Variants in PTPRD observed in about 807,000 individuals in gnomAD.
PTPRD encodes receptor-type tyrosine-protein phosphatase delta.
PTPRD carries 34 observed loss-of-function variants against 214.5 expected under a neutral mutation model. That is an observed-to-expected ratio of 0.16 (90% CI 0.12 to 0.21). The LOEUF is 0.21. Ranked by LOEUF, PTPRD falls within the 10% of genes least tolerant of loss-of-function variation. The probability of loss-of-function intolerance (pLI) is 1.00; values close to 1 mark genes in which losing one functional copy is unlikely to be tolerated. For synonymous variants in PTPRD, 1,128 were observed against 845.7 expected (o/e 1.33, Z -5.79); for missense variants, 2,545 against 2,398.7 (o/e 1.06, Z -1.27).
intron 2 of PTPRD, among the ~76,000 whole-genome samples, chr9:10,452,056 G>C (rs537290516): frequency 6.6e-6 from 1 of 152,054 alleles, no homozygotes; most frequent in African/African-American, 2.4e-5. Context: ...ATAATTTACA[G>C]TTTCATCAGT....
chr9:8,750,491 T>G (rs1161366706), intron 11 of PTPRD, among the ~76,000 whole-genome samples: 2 of 151,838 alleles, frequency 1.3e-5, no homozygotes, highest in Non-Finnish European at 2.9e-5. Context: ...TGGTAAGTGC[T>G]CGAAAGAAAA....
chr9:8,798,994 A>C (rs2154516410), intron 11 of PTPRD, among the ~76,000 whole-genome samples: 1 of 152,240 alleles, frequency 6.6e-6, no homozygotes, highest in Admixed American at 6.5e-5. Flanking sequence ...TATAAGGATT[A>C]ATACAAAGAT....
intron 7 of PTPRD, among the ~76,000 whole-genome samples, chr9:9,658,823 T>C (rs2096570550): frequency 6.6e-6 from 1 of 152,126 alleles, no homozygotes; most frequent in Non-Finnish European, 1.5e-5. Flanking sequence ...TATTTAATTG[T>C]CACAACAATT....
chr9:9,573,307 ACTT>A (rs1467551501), intron 8 of PTPRD, among the ~76,000 whole-genome samples: 3 of 151,320 alleles, frequency 2.0e-5, no homozygotes, highest in African/African-American at 7.3e-5. Context: ...AAGCAAAGAT[ACTT>A]CTTATGTTCT....
intron 2 of PTPRD, among the ~76,000 whole-genome samples, chr9:10,607,401 T>C (rs921272214): frequency 1.3e-5 from 2 of 151,884 alleles, no homozygotes; most frequent in African/African-American, 2.4e-5. Context: ...TTTTAAACTT[T>C]TGAGTACACC....
At chr9:8,904,312 A>T (rs574140613) in intron 11 of PTPRD, among the ~76,000 whole-genome samples, 2 of 152,300 alleles carry the variant, frequency 1.3e-5, no homozygotes, top group Non-Finnish European at 2.9e-5. Flanking sequence ...TGTAATATAT[A>T]TCCATATTCA....
chr9:9,934,887 A>T (rs199800077), intron 5 of PTPRD, among the ~76,000 whole-genome samples: 227 of 151,884 alleles, frequency 1.5e-3, no homozygotes, highest in African/African-American at 4.9e-3. Flanking sequence ...CATGATCAAG[A>T]GGGCTTCATC....
intron 8 of PTPRD, among the ~76,000 whole-genome samples, chr9:9,455,866 G>C (rs1335878958): frequency 1.3e-5 from 2 of 151,796 alleles, no homozygotes; most frequent in African/African-American, 2.4e-5. Context: ...AGCAGGGAAA[G>C]AGGGACCACA....
chr9:9,683,928 G>A (rs147805560), intron 7 of PTPRD, among the ~76,000 whole-genome samples: 1,951 of 151,682 alleles, frequency 0.013, 21 homozygotes, highest in Non-Finnish European at 0.018. Context: ...AGCAACCCAA[G>A]CTGGTAGAAG....
At chr9:9,998,129 A>AAT (rs1555449231) in intron 4 of PTPRD, among the ~76,000 whole-genome samples, 5 of 91,454 alleles carry the variant, frequency 5.5e-5, no homozygotes, top group South Asian at 6.7e-4. Flanking sequence ...AAAAAAAAAA[A>AAT]ATATATATAT....
At chr9:10,090,905 A>T (rs2098420922) in intron 3 of PTPRD, among the ~76,000 whole-genome samples, 1 of 135,224 alleles carries the variant, frequency 7.4e-6, no homozygotes, top group African/African-American at 3.0e-5. Context: ...ACATTTGTGT[A>T]TATAAATGAA....
chr9:10,534,707 A>G (rs1054012861), intron 2 of PTPRD, among the ~76,000 whole-genome samples: 1 of 152,062 alleles, frequency 6.6e-6, no homozygotes. Flanking sequence ...CTATCTACTA[A>G]GAAGAAGAAG....
At chr9:9,710,736 G>T (rs1028015195) in intron 7 of PTPRD, among the ~76,000 whole-genome samples, 2 of 151,796 alleles carry the variant, frequency 1.3e-5, no homozygotes, top group South Asian at 4.1e-4. Context: ...TTTCTGAGTT[G>T]ATCCAGAAAG....
At chr9:9,591,973 C>T (rs1339302770) in intron 7 of PTPRD, among the ~76,000 whole-genome samples, 2 of 152,086 alleles carry the variant, frequency 1.3e-5, no homozygotes, top group African/African-American at 4.8e-5. Flanking sequence ...CCCACACAGC[C>T]TCTGGCAACC....
intron 2 of PTPRD, among the ~76,000 whole-genome samples, chr9:10,599,669 A>C (rs2077484065): frequency 6.6e-6 from 1 of 151,734 alleles, no homozygotes; most frequent in South Asian, 2.1e-4. Context: ...CTATTCTTCT[A>C]TTCATTTGGT....
At chr9:9,221,867 G>C (rs1431344815) in intron 9 of PTPRD, among the ~76,000 whole-genome samples, 1 of 151,920 alleles carries the variant, frequency 6.6e-6, no homozygotes, top group Non-Finnish European at 1.5e-5. Context: ...ACCTAAACAA[G>C]AAATACAGTC....
At chr9:9,400,063 AT>A (rs1326474997) in intron 8 of PTPRD, among the ~76,000 whole-genome samples, 1 of 150,198 alleles carries the variant, frequency 6.7e-6, no homozygotes, top group African/African-American at 2.4e-5. Context: ...TCTTTAAAAA[AT>A]AGAGTGTGGA....
In PTPRD at chr9:10,263,125, T is replaced by G. The variant is rs568323364; in HGVS notation, c.-545+77838A>C. On this transcript the variant is annotated intron_variant, in intron 3 of 45. Coordinates refer to ENST00000381196, the MANE Select transcript of PTPRD (RefSeq NM_002839.4). The stretch of plus-strand genomic sequence containing the variant: ...ACTGTGAGTCCATGAAACCTATTTT[T>G]CTTTATAAATTACTCAGTCTCAGGT... Among the ~76,000 whole-genome samples, 64 of 152,248 alleles carry G rather than the reference T, an allele frequency of 4.2e-4. 1 individual carries two copies. Among genetic ancestry groups the G allele is most frequent in the Middle Eastern group, 3.4e-3 (1 of 294 alleles).
intron 6 of PTPRD, among the ~76,000 whole-genome samples, chr9:9,740,300 C>A (rs896838693): frequency 2.0e-5 from 3 of 151,906 alleles, no homozygotes; most frequent in African/African-American, 4.8e-5. Flanking sequence ...TTGAAATATT[C>A]ATAGTCTTTT....
Sources: allele counts gnomAD v4.1 joint callset (sites outside exome capture counted in the v4.1 genomes callset), GRCh38; gene constraint gnomAD v4.1.1; transcripts MANE v1.5; gene names NCBI Gene and HGNC (gene_info 2026-07-23, HGNC 2026-07-21).